The following FRMD3 variants were observed in gnomAD, a reference collection of about 807,000 sequenced individuals.
FRMD3 encodes FERM domain containing 3.
In FRMD3, 33 loss-of-function variants were observed where a neutral mutation model predicts 70.2. The observed-to-expected ratio is 0.47, with a 90% CI of 0.36 to 0.63. The LOEUF is 0.63. FRMD3 is among the 20% of genes least tolerant of loss of function. The pLI is 0.00. For synonymous variants in FRMD3, 279 were observed against 255.9 expected (o/e 1.09, Z -0.86); for missense variants, 632 against 711.4 (o/e 0.89, Z 1.27).
chr9:83,490,591 A>G (rs1284172246), intron 1 of FRMD3, among the ~76,000 whole-genome samples: 1 of 152,134 alleles, frequency 6.6e-6, no homozygotes, highest in East Asian at 1.9e-4. Context: ...CTGTAGTTCT[A>G]CATTCTTTAA....
chr9:83,378,743 T>A (rs1235939504), intron 2 of FRMD3, among the ~76,000 whole-genome samples: 1 of 120,030 alleles, frequency 8.3e-6, no homozygotes, highest in African/African-American at 3.8e-5. Context: ...ATACTTTATA[T>A]TATATATAAT....
the FRMD3 span, among the ~76,000 whole-genome samples, chr9:83,584,425 C>T: frequency 6.6e-6 from 1 of 152,090 alleles, no homozygotes; most frequent in African/African-American, 2.4e-5. Flanking sequence ...AGCATTTTAA[C>T]TTCTTATATT....
intron 1 of FRMD3, among the ~76,000 whole-genome samples, chr9:83,420,143 C>T (rs926761985): frequency 1.3e-5 from 2 of 152,198 alleles, no homozygotes; most frequent in Admixed American, 1.3e-4. Context: ...CCTATAATAG[C>T]GTGTGCTCTG....
intron 3 of FRMD3, among the ~76,000 whole-genome samples, chr9:83,357,009 C>T (rs996988355): frequency 3.3e-5 from 5 of 151,080 alleles, no homozygotes; most frequent in African/African-American, 1.2e-4. Context: ...TTTTCCATTC[C>T]TGAAATACTC....
chr9:83,420,799 C>T (rs978170613), intron 1 of FRMD3, among the ~76,000 whole-genome samples: 6 of 152,092 alleles, frequency 3.9e-5, no homozygotes, highest in Admixed American at 3.9e-4. Context: ...TCTCACACCT[C>T]CTGTCTCACC....
chr9:83,358,869 T>C (rs1451853374), intron 3 of FRMD3, among the ~76,000 whole-genome samples: 2 of 152,124 alleles, frequency 1.3e-5, no homozygotes, highest in African/African-American at 2.4e-5. Flanking sequence ...AAACTACCTC[T>C]GCACATATGC....
chr9:83,449,894 T>C (rs1827591032), intron 1 of FRMD3, among the ~76,000 whole-genome samples: 1 of 152,218 alleles, frequency 6.6e-6, no homozygotes, highest in Non-Finnish European at 1.5e-5. Context: ...TGTATGGAAA[T>C]ACTCTCATGT....
intron 6 of FRMD3, among the ~76,000 whole-genome samples, chr9:83,327,440 C>CTGGA (rs1182976870): frequency 6.6e-6 from 1 of 152,150 alleles, no homozygotes. Context: ...GGAATGTGGG[C>CTGGA]TGGAGAGAGA....
intron 1 of FRMD3, among the ~76,000 whole-genome samples, chr9:83,459,220 T>A (rs745492550): frequency 1.4e-4 from 21 of 152,196 alleles, no homozygotes; most frequent in Non-Finnish European, 2.6e-4. Context: ...GTGTGGCTGT[T>A]AACTCCACTG....
chr9:83,358,932 C>T lies in FRMD3; in HGVS notation c.296-9175G>A, dbSNP rs150134516. Among the ~76,000 whole-genome samples the T allele has an allele frequency of 1.8e-3, 272 of 152,238 alleles. 1 individual carries two copies. Among genetic ancestry groups the T allele is most frequent in the African/African-American group, 5.8e-3 (241 of 41,562 alleles). ...AGAACATTGCTCACTCATTCTCCAACTGTGACTCTAGAAATATGTGTAAAT... is the reference window on the plus strand; with the variant it reads ...AGAACATTGCTCACTCATTCTCCAATTGTGACTCTAGAAATATGTGTAAAT... On this transcript the variant is annotated intron_variant, in intron 3 of 13. Coordinates refer to ENST00000304195, the MANE Select transcript of FRMD3 (RefSeq NM_174938.6).
intron 1 of FRMD3, among the ~76,000 whole-genome samples, chr9:83,448,052 G>A (rs1827532922): frequency 1.3e-5 from 2 of 152,134 alleles, no homozygotes; most frequent in Non-Finnish European, 2.9e-5. Flanking sequence ...AATGCCAGAT[G>A]TAGATCTGTT....
chr9:83,256,459 G>A (rs775741565), intron 13 of FRMD3, among the ~76,000 whole-genome samples: 3 of 152,044 alleles, frequency 2.0e-5, no homozygotes, highest in Non-Finnish European at 2.9e-5. Flanking sequence ...CATAGGCATG[G>A]GCAAAGATTT....
chr9:83,415,988 A>G (rs1292684321), intron 1 of FRMD3, among the ~76,000 whole-genome samples: 1 of 152,208 alleles, frequency 6.6e-6, no homozygotes, highest in African/African-American at 2.4e-5. Flanking sequence ...AACTCCCTTC[A>G]GAACCAGCAT....
the FRMD3 span, among the ~76,000 whole-genome samples, chr9:83,553,154 G>T: frequency 2.0e-5 from 3 of 152,174 alleles, no homozygotes; most frequent in East Asian, 5.8e-4. Flanking sequence ...AAGATCTCCT[G>T]TAAGGCAGGT....
At chr9:83,407,871 CTCATCTTT>C (rs1826162895) in intron 1 of FRMD3, among the ~76,000 whole-genome samples, 1 of 115,800 alleles carries the variant, frequency 8.6e-6, no homozygotes, top group Non-Finnish European at 1.7e-5. Flanking sequence ...CTCTCTCTCT[CTCATCTTT>C]CTCTCTCTCT....
downstream of FRMD3, chr9:83,243,129 C>A: frequency 6.7e-7 from 1 of 1,487,640 alleles, no homozygotes; most frequent in South Asian, 1.2e-5. Flanking sequence ...CCCACCCAGT[C>A]ACAGACGGAG....
chr9:83,248,235 A>T lies in FRMD3; in HGVS notation c.1477T>A (p.Phe493Ile). 1 of 1,614,212 alleles carries T rather than the reference A, an allele frequency of 6.2e-7. No homozygotes were observed. Among genetic ancestry groups the T allele is most frequent in the Non-Finnish European group, 8.5e-7 (1 of 1,180,042 alleles). The change falls in exon 14 of 14, where the codon TTT becomes ATT. Residue 493 changes from phenylalanine to isoleucine, a missense_variant. Coordinates refer to ENST00000304195, the MANE Select transcript of FRMD3 (RefSeq NM_174938.6). Reference protein sequence around the residue: ...FEDLEADENAFLIAEEEELKE... With the variant: ...FEDLEADENAILIAEEEELKE... ...AGCTCCTCTTCTTCAGCAATCAAAA[A>T]GGCGTTTTCATCTGCTTCCAGATCC...
chr9:83,397,805 C>A (rs1452120111), intron 1 of FRMD3, among the ~76,000 whole-genome samples: 1 of 152,102 alleles, frequency 6.6e-6, no homozygotes, highest in East Asian at 1.9e-4. Context: ...ATTCTTCTAC[C>A]TGGAAGGAAG....
chr9:83,501,904 C>A (rs570180898), intron 1 of FRMD3, among the ~76,000 whole-genome samples: 98 of 152,288 alleles, frequency 6.4e-4, no homozygotes, highest in Non-Finnish European at 1.2e-3. Flanking sequence ...CTTTTCTCTG[C>A]AATGCATTTA....
Sources: allele counts gnomAD v4.1 joint callset (sites outside exome capture counted in the v4.1 genomes callset), GRCh38; gene constraint gnomAD v4.1.1; transcripts MANE v1.5; gene names NCBI Gene and HGNC (gene_info 2026-07-23, HGNC 2026-07-21).